SEC23B: variants seen among roughly 807,000 people sequenced by gnomAD.
The protein encoded by SEC23B is protein transport protein Sec23B.
Under a neutral mutation model 104.3 loss-of-function variants are expected in SEC23B, and 77 were observed. The observed-to-expected ratio is 0.74, with a 90% CI of 0.61 to 0.89. The LOEUF (loss-of-function observed/expected upper bound fraction) is 0.89. Among genes scored for constraint, SEC23B ranks in the 40% least tolerant of loss-of-function variants. SEC23B has a pLI of 0.00. For missense variants in SEC23B, 885 were observed against 949.4 expected (o/e 0.93, Z 0.89); for synonymous variants, 338 against 332.5 (o/e 1.02, Z -0.18).
intron 10 of SEC23B, 116 bp from the exon 11 acceptor site, chr20:18,532,548 T>C: frequency 1.2e-6 from 1 of 824,226 alleles, no homozygotes; most frequent in Non-Finnish European, 2.1e-6. Flanking sequence ...CTGTGGAGTT[T>C]TCTCTTGGCA....
intron 19 of SEC23B, among the ~76,000 whole-genome samples, chr20:18,559,406 A>C (rs2060472262): frequency 6.6e-6 from 1 of 151,826 alleles, no homozygotes; most frequent in Admixed American, 6.6e-5. Context: ...GGGGTAGGAA[A>C]ATTTTTTTAC....
chr20:18,518,310 CT>C (rs2060049068), intron 4 of SEC23B, among the ~76,000 whole-genome samples: 1 of 152,158 alleles, frequency 6.6e-6, no homozygotes, highest in African/African-American at 2.4e-5. Flanking sequence ...TTTTAGTTTC[CT>C]GACTCAGGGC....
At chr20:18,549,349 A>G (rs1323373841) in intron 16 of SEC23B, among the ~76,000 whole-genome samples, 1 of 152,200 alleles carries the variant, frequency 6.6e-6, no homozygotes, top group African/African-American at 2.4e-5. Context: ...GATTAGTTAT[A>G]ATACCTAATA....
At chr20:18,516,766 G>C (rs976225866) in intron 4 of SEC23B, among the ~76,000 whole-genome samples, 2 of 151,774 alleles carry the variant, frequency 1.3e-5, no homozygotes, top group Non-Finnish European at 2.9e-5. Flanking sequence ...TGTTAGCCAG[G>C]ATGGTCTCGT....
At chr20:18,509,651 T>C (rs12625072) in intron 1 of SEC23B, 103,485 of 152,032 alleles carry the variant, frequency 0.68, 36,676 homozygotes, top group Non-Finnish European at 0.8. Flanking sequence ...GCAATGGCAT[T>C]GTCTCGCCTC....
chr20:18,559,326 G>A (rs1052916013), intron 19 of SEC23B, among the ~76,000 whole-genome samples: 13 of 152,150 alleles, frequency 8.5e-5, no homozygotes, highest in African/African-American at 1.4e-4. Flanking sequence ...GTAGGCAGGC[G>A]GAGGGACATA....
At chr20:18,540,475 TTGTA>T (rs1249958740) in intron 12 of SEC23B, among the ~76,000 whole-genome samples, 8 of 152,314 alleles carry the variant, frequency 5.3e-5, no homozygotes, top group Admixed American at 1.3e-4. Context: ...GTTGTTCCTT[TTGTA>T]GAGCACAGGA....
intron 4 of SEC23B, among the ~76,000 whole-genome samples, chr20:18,516,626 A>G (rs1000906298): frequency 1.4e-5 from 2 of 146,860 alleles, no homozygotes; most frequent in Non-Finnish European, 3.0e-5. Flanking sequence ...ATCTCGGCTC[A>G]CTGCAAGCTC....
At chr20:18,512,510 A>T (rs1435718287) in intron 3 of SEC23B, among the ~76,000 whole-genome samples, 1 of 152,108 alleles carries the variant, frequency 6.6e-6, no homozygotes, top group East Asian at 1.9e-4. Context: ...GGGGGTGTTC[A>T]TTGAATTCCC....
intron 11 of SEC23B, among the ~76,000 whole-genome samples, chr20:18,535,073 C>G (rs7274127): frequency 1.3e-5 from 2 of 152,106 alleles, no homozygotes; most frequent in Non-Finnish European, 2.9e-5. Context: ...GCACCCTCTC[C>G]GCTCTCCACC....
intron 4 of SEC23B, among the ~76,000 whole-genome samples, chr20:18,520,582 G>A (rs1229086112): frequency 6.6e-6 from 1 of 152,186 alleles, no homozygotes; most frequent in East Asian, 1.9e-4. Context: ...TAAGGGAGCC[G>A]GGCAGGTGAG....
chr20:18,538,510 T>C (rs6112013), intron 12 of SEC23B, among the ~76,000 whole-genome samples: 103,360 of 151,762 alleles, frequency 0.68, 36,628 homozygotes, highest in Non-Finnish European at 0.8. Context: ...GTCTCTGCCT[T>C]CCAAAGTGCT....
At position 18,523,228 on chromosome 20, in the gene SEC23B, CTT is replaced by C. The variant is rs548291236; in HGVS notation, c.367-1203_367-1202del. ...TGTCCTCGTTCAGCCCAGTGGGCCT[CTT>C]TGACTCTCCTCAAATGTGCTAACAC... On this transcript the variant is annotated intron_variant, in intron 4 of 19. Transcript: ENST00000650089. Among the ~76,000 whole-genome samples, 14 of 152,100 alleles carry C rather than the reference CTT, an allele frequency of 9.2e-5. No homozygotes were observed. In the South Asian group the frequency reaches 2.9e-3, roughly 32 times the overall value.
chr20:18,516,833 G>A (rs775210071), intron 4 of SEC23B, among the ~76,000 whole-genome samples: 16 of 151,922 alleles, frequency 1.1e-4, no homozygotes, highest in African/African-American at 2.9e-4. Context: ...GATTACAGGC[G>A]TGAGCCACCG....
At chr20:18,534,634 A>T (rs940174045) in intron 11 of SEC23B, among the ~76,000 whole-genome samples, 1 of 152,258 alleles carries the variant, frequency 6.6e-6, no homozygotes, top group African/African-American at 2.4e-5. Flanking sequence ...GAGAGTGTGT[A>T]GCACAATATG....
intron 15 of SEC23B, among the ~76,000 whole-genome samples, chr20:18,548,038 C>G (rs1016193986): frequency 6.6e-6 from 1 of 152,028 alleles, no homozygotes; most frequent in Non-Finnish European, 1.5e-5. Context: ...CGCAACCTCC[C>G]CCTACTGGGT....
At chr20:18,548,503 C>CT (rs1235409031) in intron 15 of SEC23B, 106 bp from the exon 16 acceptor site, 2 of 1,142,798 alleles carry the variant, frequency 1.8e-6, no homozygotes, top group Middle Eastern at 2.0e-4. Flanking sequence ...CCAGAGAGCC[C>CT]TTTTCTGGGT....
At position 18,510,908 on chromosome 20, in the gene SEC23B, C is replaced by T. The variant is rs2059975636; in HGVS notation, c.73C>T (p.Pro25Ser). Reference protein sequence around the residue: ...DGVRFSWNVWPSSRLEATRMV... With the variant: ...DGVRFSWNVWSSSRLEATRMV... ...TGTGCGTTTTAGTTGGAACGTGTGG[C>T]CTTCCAGCCGGCTGGAGGCTACAAG... is the stretch of plus-strand genomic sequence containing the variant. Residue 25 changes from proline to serine, a missense_variant, in exon 2 of 20, where the codon CCT becomes TCT. Physicochemically the swap from Pro to Ser is moderately conservative, Grantham distance 74. Coordinates refer to ENST00000650089, the MANE Select transcript of SEC23B (RefSeq NM_006363.6). 3 of 1,614,132 alleles carry T rather than the reference C, an allele frequency of 1.9e-6. No homozygotes were observed. The highest frequency in any genetic ancestry group is 1.1e-5 in the South Asian group (1 of 91,086).
chr20:18,525,685 C>A, intron 6 of SEC23B, 103 bp from the exon 7 acceptor site: 2 of 1,265,322 alleles, frequency 1.6e-6, no homozygotes, highest in African/African-American at 1.5e-5. Flanking sequence ...TCAGTTACTA[C>A]TCTGAATAAT....
Sources: allele counts gnomAD v4.1 joint callset (sites outside exome capture counted in the v4.1 genomes callset), GRCh38; gene constraint gnomAD v4.1.1; transcripts MANE v1.5; gene names NCBI Gene and HGNC (gene_info 2026-07-23, HGNC 2026-07-21).